The following FAM120AOS variants were observed in gnomAD, a reference collection of about 807,000 sequenced individuals.
FAM120AOS encodes family with sequence similarity 120 member A opposite strand.
FAM120AOS carries 15 observed loss-of-function variants against 20.2 expected under a neutral mutation model. The ratio of observed to expected loss-of-function variants is 0.74; its 90% CI spans 0.50 to 1.15. The LOEUF is 1.15. FAM120AOS is among the 50% of genes most tolerant of loss of function. FAM120AOS has a pLI of 0.00. For synonymous variants in FAM120AOS, 154 were observed against 154.0 expected (o/e 1.00, Z 0.00); for missense variants, 327 against 351.9 (o/e 0.93, Z 0.57).
intron 2 of FAM120AOS, chr9:93,448,399 CAGG>C (rs1856933957): frequency 5.5e-6 from 1 of 181,164 alleles, no homozygotes; most frequent in South Asian, 8.5e-5. Context: ...GAGGCTGAGG[CAGG>C]AGATCACTTG....
chr9:93,451,479 C>T (rs1298967005), intron 1 of FAM120AOS: 2 of 1,086,526 alleles, frequency 1.8e-6, no homozygotes, highest in Non-Finnish European at 1.1e-6. Context: ...GCTGCCTGCT[C>T]CGGCTCAGAA....
rs1446526612 is a variant in FAM120AOS, at chr9:93,452,483, C to T, written c.227G>A (p.Arg76His). Reference sequence around the variant, plus strand: ...GCAGAATGTCGCCCGGCCGTGGCGGCGCTGGGGGCAGCGAGTTCCCCCAGC... The same window carrying T: ...GCAGAATGTCGCCCGGCCGTGGCGGTGCTGGGGGCAGCGAGTTCCCCCAGC... ...ARAGGTRCPQ[R>H]RHGRATFCAL... Residue 76 changes from arginine to histidine, a missense_variant, in exon 1 of 3, where the codon CGC becomes CAC. Coordinates refer to ENST00000375412, the MANE Select transcript of FAM120AOS (RefSeq NM_198841.4). The surrounding 1 kb of genome is among the most constrained non-coding windows in gnomAD (Gnocchi z 7.0). 2 of 1,543,798 alleles carry T rather than the reference C, an allele frequency of 1.3e-6. No individual in the cohort carries two copies. Among genetic ancestry groups the T allele is most frequent in the Admixed American group, 3.9e-5 (2 of 51,172 alleles).
At chr9:93,451,881 C>CCGCCCGCACCCG (rs1554770534) in intron 1 of FAM120AOS, 3 of 1,208,490 alleles carry the variant, frequency 2.5e-6, no homozygotes, top group Non-Finnish European at 3.1e-6. Flanking sequence ...CCGCCGCCCC[C>CCGCCCGCACCCG]CGCCCGCACC....
Position 93,453,520 on chromosome 9 carries a change from T to G in FAM120AOS, c.-811A>C. The G allele has an allele frequency of 2.0e-6, 2 of 985,456 alleles. No individual in the cohort carries two copies. The highest frequency in any genetic ancestry group is 2.4e-6 in the Non-Finnish European group (2 of 829,940). 61.0% of individuals were successfully genotyped at this position (985,456 alleles called of 1,614,324 possible). Reference sequence around the variant, plus strand: ...CTTGAAACTGCTGGAGCTGAAAGTTTGTGAAATTCTGTCTTCGCGGTTGCC... The same window carrying G: ...CTTGAAACTGCTGGAGCTGAAAGTTGGTGAAATTCTGTCTTCGCGGTTGCC... On this transcript the variant is annotated 5_prime_UTR_variant, in exon 1 of 3. Transcript: ENST00000375412.
Position 93,446,025 on chromosome 9 carries a change from C to T in FAM120AOS, c.*1586G>A, listed in dbSNP as rs1027721916. Among the ~76,000 whole-genome samples the T allele has an allele frequency of 2.9e-5, 4 of 139,770 alleles. No homozygotes were observed. Among genetic ancestry groups the T allele is most frequent in the African/African-American group, 1.0e-4 (4 of 38,972 alleles). The allele number at this position is 139,770 out of a possible 152,430, so 91.7% of individuals were successfully genotyped here. ...CAGATTGGGCCAACTCTCCTTATACCACCACACCTGGGACCTGGGAGGAAT... is the reference window on the plus strand; with the variant it reads ...CAGATTGGGCCAACTCTCCTTATACTACCACACCTGGGACCTGGGAGGAAT... On this transcript the variant is annotated 3_prime_UTR_variant, in exon 3 of 3. Transcript: ENST00000375412.
At chr9:93,450,451 G>A (rs1310669070) in intron 2 of FAM120AOS, 28 bp downstream of exon 2, 1 of 1,541,860 alleles carries the variant, frequency 6.5e-7, no homozygotes, top group East Asian at 2.3e-5. Context: ...GTGGGTATCA[G>A]AAAAGAAAGC....
intron 2 of FAM120AOS, chr9:93,448,548 CCATTAGTTGT>C (rs1204885923): frequency 6.1e-6 from 1 of 163,100 alleles, no homozygotes; most frequent in Non-Finnish European, 1.4e-5. Flanking sequence ...AAGTCCCCAA[CCATTAGTTGT>C]CATATTGTAA....
rs1260640879 is a variant in FAM120AOS at position 93,453,381 on chromosome 9, T to A, written c.-672A>T. Reference sequence around the variant, plus strand: ...GATAAGCACATCCATGATCCTGGACTTCACGTTCTGATTGCTTGCTTTTTT... The same window carrying A: ...GATAAGCACATCCATGATCCTGGACATCACGTTCTGATTGCTTGCTTTTTT... On this transcript the variant is annotated 5_prime_UTR_variant, in exon 1 of 3. The change creates a new upstream start codon in the 5' untranslated region. Coordinates refer to ENST00000375412, the MANE Select transcript of FAM120AOS (RefSeq NM_198841.4). 1.0e-6 allele frequency: 1 copy of A among 985,380 alleles called. No individual in the cohort carries two copies. The highest frequency in any genetic ancestry group is 1.7e-5 in the African/African-American group (1 of 57,246). 61.0% of individuals were successfully genotyped at this position (985,380 alleles called of 1,614,324 possible).
intron 1 of FAM120AOS, chr9:93,451,209 G>T: frequency 6.5e-7 from 1 of 1,531,134 alleles, no homozygotes; most frequent in South Asian, 1.2e-5. Flanking sequence ...AGAGTGGTGC[G>T]AGCCGACGGC....
chr9:93,444,780 G>C lies in FAM120AOS; in HGVS notation c.*2831C>G, dbSNP rs571596848. ...CAGGCATGTGCCACCACGCCTAGCTGATTTTGTATTTTTAGTAGAGACAGG... is the reference window on the plus strand; with the variant it reads ...CAGGCATGTGCCACCACGCCTAGCTCATTTTGTATTTTTAGTAGAGACAGG... On this transcript the variant is annotated 3_prime_UTR_variant, in exon 3 of 3. Coordinates refer to ENST00000375412, the MANE Select transcript of FAM120AOS (RefSeq NM_198841.4). Among the ~76,000 whole-genome samples, 1 of 151,708 alleles carries C rather than the reference G, an allele frequency of 6.6e-6. No homozygotes were observed. The highest frequency in any genetic ancestry group is 2.4e-5 in the African/African-American group (1 of 41,346).
chr9:93,453,340 C>T lies in FAM120AOS; in HGVS notation c.-631G>A, dbSNP rs1280145951. ...TGGGCCAGAGGAGAACTTCAGGACC[C>T]AGCAGTGACTGTGAAGATAAGCACA... On this transcript the variant is annotated 5_prime_UTR_variant, in exon 1 of 3. The change creates a premature stop within an existing upstream ORF in the 5' untranslated region. Transcript: ENST00000375412. 2.0e-6 allele frequency: 2 copies of T among 985,652 alleles called. No individual in the cohort carries two copies. Among genetic ancestry groups the T allele is most frequent in the Non-Finnish European group, 2.4e-6 (2 of 830,146 alleles). The allele number at this position is 985,652 out of a possible 1,614,324, so 61.1% of individuals were successfully genotyped here. A position where few individuals can be genotyped will look rare whatever the true frequency, so the allele number is the denominator to read the frequency against.
chr9:93,450,642 C>A (rs753229357), intron 1 of FAM120AOS, 43 bp from the exon 2 acceptor site: 7 of 1,607,364 alleles, frequency 4.4e-6, no homozygotes, highest in East Asian at 2.2e-5. Flanking sequence ...TAAGTAAAAG[C>A]GGCACTTTAA....
rs749975383 is a variant in FAM120AOS, at chr9:93,444,675, TGCG to T, written c.*2933_*2935del. Among the ~76,000 whole-genome samples, 29 of 150,510 alleles carry T rather than the reference TGCG, an allele frequency of 1.9e-4. No homozygotes were observed. Among genetic ancestry groups the T allele is most frequent in the Non-Finnish European group, 4.0e-4 (27 of 67,548 alleles). ...TGTTGCCCAGGCTGGAGTGCAATGG[TGCG>T]ATCTCGGCTCACCGCAACCTCCGCC... On this transcript the variant is annotated 3_prime_UTR_variant, in exon 3 of 3. Coordinates refer to ENST00000375412, the MANE Select transcript of FAM120AOS (RefSeq NM_198841.4).
chr9:93,451,889 A>G (rs1400688019), intron 1 of FAM120AOS: 10 of 1,129,456 alleles, frequency 8.9e-6, no homozygotes, highest in Admixed American at 5.1e-5. Flanking sequence ...CCCCGCCCGC[A>G]CCCGCGCCCG....
rs1199169933 is a variant in FAM120AOS at position 93,452,286 on chromosome 9, G to T, written c.424C>A (p.Leu142Met). ...CGCCAGACGGCACAGCAGATCGTCAGCCATGTCCAGAACAAGGGCACCCCG... is the reference window on the plus strand; with the variant it reads ...CGCCAGACGGCACAGCAGATCGTCATCCATGTCCAGAACAAGGGCACCCCG... ...GGGVPLFWTW[L>M]TICCAVWRSL... Residue 142 changes from leucine (L) to methionine (M), a missense_variant, in exon 1 of 3, where the codon CTG becomes ATG. Transcript: ENST00000375412. The surrounding 1 kb of genome is among the most constrained non-coding windows in gnomAD (Gnocchi z 7.0). 1 of 1,612,678 alleles carries T rather than the reference G, an allele frequency of 6.2e-7. No homozygotes were observed. Among genetic ancestry groups the T allele is most frequent in the Non-Finnish European group, 8.5e-7 (1 of 1,179,866 alleles).
In FAM120AOS at chr9:93,445,141, T is replaced by C. The variant is rs76660595; in HGVS notation, c.*2470A>G. On this transcript the variant is annotated 3_prime_UTR_variant, in exon 3 of 3. Coordinates refer to ENST00000375412, the MANE Select transcript of FAM120AOS (RefSeq NM_198841.4). ...TTTGTCTTCTAAGGGCAGGGCATCT[T>C]CTATCTTCTAGGACAGGGTACAGTA... is the stretch of plus-strand genomic sequence containing the variant. Among the ~76,000 whole-genome samples, 1,040 of 152,276 alleles carry C rather than the reference T, an allele frequency of 6.8e-3. 10 individuals are homozygous for C. Among genetic ancestry groups the C allele is most frequent in the African/African-American group, 0.023 (970 of 41,546 alleles).
chr9:93,445,594 T>TTTG lies in FAM120AOS; in HGVS notation c.*2016_*2017insCAA, dbSNP rs1554768628. On this transcript the variant is annotated 3_prime_UTR_variant, in exon 3 of 3. Coordinates refer to ENST00000375412, the MANE Select transcript of FAM120AOS (RefSeq NM_198841.4). ...TCATAAAAATCGTTGTTTTTTTTTT[T>TTTG]TTTTTTTTTTTTTGAGACAAGGCCT... Among the ~76,000 whole-genome samples the TTTG allele has an allele frequency of 1.4e-5, 2 of 143,298 alleles. No individual in the cohort carries two copies. The highest frequency in any genetic ancestry group is 5.3e-5 in the African/African-American group (2 of 37,914). The allele number at this position is 143,298 out of a possible 152,430, so 94.0% of individuals were successfully genotyped here. A position where few individuals can be genotyped will look rare whatever the true frequency, so the allele number is the denominator to read the frequency against.
Position 93,452,439 on chromosome 9 carries a change from CT to C in FAM120AOS, c.270del (p.Ile90MetfsTer19), listed in dbSNP as rs776648143. 1.8e-4 allele frequency: 284 copies of C among 1,563,266 alleles called. No homozygotes were observed. The East Asian group carries it at 6.1e-3, about 34-fold the overall frequency. On this transcript the variant is annotated frameshift_variant, in exon 1 of 3. Coordinates refer to ENST00000375412, the MANE Select transcript of FAM120AOS (RefSeq NM_198841.4). LOFTEE classifies it high-confidence loss of function. The surrounding 1 kb of genome is among the most constrained non-coding windows in gnomAD (Gnocchi z 7.0). ...RATFCALGRG[I>X]GVRRGPGPRP... is the part of the protein sequence containing the mutation. Reference sequence around the variant, plus strand: ...CGGGGACCGGGGCCGCGCCGCACCCCTATCCCCCTTCCCAGGGCGCAGAATG... The same window carrying C: ...CGGGGACCGGGGCCGCGCCGCACCCCATCCCCCTTCCCAGGGCGCAGAATG...
Position 93,450,531 on chromosome 9 carries a change from C to G in FAM120AOS, c.632G>C (p.Ser211Thr), listed in dbSNP as rs41274386. 1 of 1,605,636 alleles carries G rather than the reference C, an allele frequency of 6.2e-7. No homozygotes were observed. Among genetic ancestry groups the G allele is most frequent in the Non-Finnish European group, 8.5e-7 (1 of 1,175,680 alleles). Residue 211 changes from serine to threonine, a missense_variant, in exon 2 of 3, where the codon AGC becomes ACC. Physicochemically the swap from Ser to Thr is moderately conservative, Grantham distance 58. This residue lies in a region of FAM120AOS where 86 missense variants were observed against 82.9 expected (regional missense o/e 1.04). Coordinates refer to ENST00000375412, the MANE Select transcript of FAM120AOS (RefSeq NM_198841.4). ...TTTGGCCAAACCGTGCGCGTGCAGG[C>G]TCCATGTGCTGGGCAGCAGCTGTCC... is the stretch of plus-strand genomic sequence containing the variant. ...VAGQLLPSTW[S>T]LHAHGLAKEA...
Sources: allele counts gnomAD v4.1 joint callset (sites outside exome capture counted in the v4.1 genomes callset), GRCh38; gene constraint gnomAD v4.1.1; regional missense constraint gnomAD v4.1.1; non-coding constraint Gnocchi (gnomAD v3.1); transcripts MANE v1.5; gene names NCBI Gene and HGNC (gene_info 2026-07-23, HGNC 2026-07-21).